L3MBTL4: variants seen among roughly 807,000 people sequenced by gnomAD.
L3MBTL4 encodes lethal(3)malignant brain tumor-like protein 4.
L3MBTL4 carries 70 observed loss-of-function variants against 84.5 expected under a neutral mutation model. The observed-to-expected ratio is 0.83, with a 90% CI of 0.68 to 1.01. The LOEUF is 1.01. Among genes scored for constraint, L3MBTL4 ranks in the 50% least tolerant of loss-of-function variants. The probability of loss-of-function intolerance (pLI) is 0.00; values close to 1 mark genes in which losing one functional copy is unlikely to be tolerated. For synonymous variants in L3MBTL4, 274 were observed against 259.8 expected (o/e 1.05, Z -0.52); for missense variants, 715 against 754.8 (o/e 0.95, Z 0.62).
intron 14 of L3MBTL4, among the ~76,000 whole-genome samples, chr18:6,118,387 C>T (rs1166809177): frequency 6.6e-6 from 1 of 152,158 alleles, no homozygotes; most frequent in African/African-American, 2.4e-5. Flanking sequence ...GAGATGTTCA[C>T]AGGACCACCT....
At chr18:6,407,595 A>G (rs1490419595) in intron 1 of L3MBTL4, among the ~76,000 whole-genome samples, 1 of 152,214 alleles carries the variant, frequency 6.6e-6, no homozygotes, top group Non-Finnish European at 1.5e-5. Flanking sequence ...AATAAAATGA[A>G]CAGCTGAAAG....
chr18:6,283,592 A>G (rs2049420947), intron 4 of L3MBTL4, among the ~76,000 whole-genome samples: 1 of 149,434 alleles, frequency 6.7e-6, no homozygotes, highest in South Asian at 2.1e-4. Flanking sequence ...AGAGCCTCAA[A>G]GTTATTTTAA....
intron 12 of L3MBTL4, among the ~76,000 whole-genome samples, chr18:6,184,015 C>T (rs142258553): frequency 5.2e-4 from 79 of 152,124 alleles, no homozygotes; most frequent in African/African-American, 1.8e-3. Context: ...TGATATAGTG[C>T]CTGCACAATA....
intron 1 of L3MBTL4, among the ~76,000 whole-genome samples, chr18:6,322,358 A>G (rs2051451057): frequency 6.6e-6 from 1 of 151,558 alleles, no homozygotes. Flanking sequence ...AAGAAAGAGA[A>G]AGAGAGGAAA....
Position 6,239,711 on chromosome 18 carries a change from A to G in L3MBTL4, c.707+7T>C. ...ACACAAAAATAAAACACACATTCAT[A>G]TCTCACCAGTAATCGTAACTATCAT... On this transcript the variant is annotated splice_region_variant and intron_variant, in intron 9 of 18. Coordinates refer to ENST00000317931, the MANE Select transcript of L3MBTL4 (RefSeq NM_001330559.2). 3 of 1,612,244 alleles carry G rather than the reference A, an allele frequency of 1.9e-6. No homozygotes were observed. Among genetic ancestry groups the G allele is most frequent in the Non-Finnish European group, 1.7e-6 (2 of 1,179,560 alleles).
At chr18:6,222,477 A>AT (rs200703004) in intron 10 of L3MBTL4, among the ~76,000 whole-genome samples, 2,871 of 152,332 alleles carry the variant, frequency 0.019, 82 homozygotes, top group African/African-American at 0.064. Flanking sequence ...CGCCCAGCAG[A>AT]ACTGTCTTCA....
intron 1 of L3MBTL4, among the ~76,000 whole-genome samples, chr18:6,355,067 T>C (rs1419323660): frequency 6.6e-6 from 1 of 152,164 alleles, no homozygotes; most frequent in Non-Finnish European, 1.5e-5. Flanking sequence ...ATAAAGTAAA[T>C]GTGGTACTTA....
At chr18:6,014,648 T>G (rs2054882063) in intron 16 of L3MBTL4, among the ~76,000 whole-genome samples, 1 of 152,078 alleles carries the variant, frequency 6.6e-6, no homozygotes, top group African/African-American at 2.4e-5. Context: ...AGAGTCCACA[T>G]GGCTGGAGCT....
chr18:6,324,315 C>A (rs539635696), intron 1 of L3MBTL4, among the ~76,000 whole-genome samples: 2 of 152,336 alleles, frequency 1.3e-5, no homozygotes, highest in East Asian at 3.9e-4. Context: ...CACTGGAACA[C>A]TGACTAGTGG....
intron 12 of L3MBTL4, among the ~76,000 whole-genome samples, chr18:6,195,296 C>T (rs1159421345): frequency 3.9e-5 from 6 of 152,170 alleles, no homozygotes; most frequent in Admixed American, 3.9e-4. Flanking sequence ...GGCAGGTTTG[C>T]ATTCAGCCAC....
intron 12 of L3MBTL4, among the ~76,000 whole-genome samples, chr18:6,183,418 ATGT>A (rs2044572866): frequency 6.6e-6 from 1 of 152,212 alleles, no homozygotes; most frequent in Non-Finnish European, 1.5e-5. Flanking sequence ...TTCACTGCTG[ATGT>A]AAAGGTCGTT....
At chr18:6,018,857 G>A (rs1238089790) in intron 16 of L3MBTL4, among the ~76,000 whole-genome samples, 1 of 152,202 alleles carries the variant, frequency 6.6e-6, no homozygotes, top group East Asian at 1.9e-4. Context: ...CAGCAAAGAT[G>A]CCTGAGGCTA....
intron 16 of L3MBTL4, chr18:6,029,863 T>C (rs1408821292): frequency 2.2e-5 from 22 of 985,036 alleles, no homozygotes; most frequent in Non-Finnish European, 2.7e-5. Flanking sequence ...TAGGATAGAT[T>C]CACACACAGA....
chr18:6,271,442 A>AG (rs1186736841), intron 4 of L3MBTL4, among the ~76,000 whole-genome samples: 1 of 152,226 alleles, frequency 6.6e-6, no homozygotes, highest in Non-Finnish European at 1.5e-5. Context: ...CAACAGGCAC[A>AG]GGGTGGGGCG....
At chr18:6,104,441 G>A (rs2058933783) in intron 14 of L3MBTL4, among the ~76,000 whole-genome samples, 1 of 151,616 alleles carries the variant, frequency 6.6e-6, no homozygotes, top group Admixed American at 6.6e-5. Context: ...GTTGAACCAT[G>A]AGGACTTTAT....
chr18:6,263,548 C>T (rs1465700995), intron 5 of L3MBTL4, among the ~76,000 whole-genome samples: 1 of 152,222 alleles, frequency 6.6e-6, no homozygotes, highest in African/African-American at 2.4e-5. Context: ...CACATCCAAA[C>T]AGATCCCTCT....
intron 1 of L3MBTL4, among the ~76,000 whole-genome samples, chr18:6,353,665 AT>A (rs1322274559): frequency 6.6e-6 from 1 of 152,246 alleles, no homozygotes; most frequent in East Asian, 1.9e-4. Flanking sequence ...CTGAAAGAGA[AT>A]TTTTTTAAAA....
chr18:5,994,755 G>A (rs1003977906), intron 16 of L3MBTL4, among the ~76,000 whole-genome samples: 1 of 152,128 alleles, frequency 6.6e-6, no homozygotes, highest in Non-Finnish European at 1.5e-5. Context: ...AATACTTGCT[G>A]GGTTCTCCTT....
At chr18:6,074,329 G>C (rs754041487) in intron 16 of L3MBTL4, among the ~76,000 whole-genome samples, 1 of 152,046 alleles carries the variant, frequency 6.6e-6, no homozygotes, top group Non-Finnish European at 1.5e-5. Flanking sequence ...TTTCATATTT[G>C]TTGGCCAATG....
Sources: gnomAD v4.1 joint callset for allele counts (sites outside exome capture counted in the v4.1 genomes callset) on GRCh38, gnomAD v4.1.1 for gene constraint, MANE v1.5 for transcripts, NCBI Gene and HGNC (gene_info 2026-07-23, HGNC 2026-07-21) for gene names.